The following CNTNAP5 variants were observed in gnomAD, a reference collection of about 807,000 sequenced individuals.
The protein encoded by CNTNAP5 is contactin associated protein family member 5, also known as contactin-associated protein-like 5.
In CNTNAP5, 72 loss-of-function variants were observed where a neutral mutation model predicts 150.2. The ratio of observed to expected loss-of-function variants is 0.48; its 90% CI spans 0.40 to 0.58. The LOEUF is 0.58. Among genes scored for constraint, CNTNAP5 ranks in the 20% least tolerant of loss-of-function variants. CNTNAP5 has a pLI of 0.00. For synonymous variants in CNTNAP5, 672 were observed against 619.8 expected (o/e 1.08, Z -1.25); for missense variants, 1,636 against 1,626.2 (o/e 1.01, Z -0.10).
At chr2:124,850,585 T>C (rs955694879) in intron 19 of CNTNAP5, among the ~76,000 whole-genome samples, 1 of 152,222 alleles carries the variant, frequency 6.6e-6, no homozygotes, top group Non-Finnish European at 1.5e-5. Flanking sequence ...ATTTCTATTA[T>C]TACAGTTGCC....
Position 124,665,881 on chromosome 2 carries a change from G to A in CNTNAP5, c.2077+17923G>A, listed in dbSNP as rs368838786. 9.7e-4 allele frequency among the ~76,000 whole-genome samples: 102 copies of A among 105,036 alleles called. 1 individual carries two copies. The highest frequency in any genetic ancestry group is 3.2e-3 in the African/African-American group (91 of 28,856). 68.9% of individuals were successfully genotyped at this position (105,036 alleles called of 152,430 possible). A position where few individuals can be genotyped will look rare whatever the true frequency, so the allele number is the denominator to read the frequency against. Reference sequence around the variant, plus strand: ...GGCCTGGGCGACAGAGCAAGACTCCGTCTCAAAAAAAAAAAAAATTATACA... The same window carrying A: ...GGCCTGGGCGACAGAGCAAGACTCCATCTCAAAAAAAAAAAAAATTATACA... On this transcript the variant is annotated intron_variant, in intron 13 of 23. Coordinates refer to ENST00000682447, the MANE Select transcript of CNTNAP5 (RefSeq NM_001367498.1).
At chr2:124,397,501 C>T (rs192328342) in intron 3 of CNTNAP5, among the ~76,000 whole-genome samples, 71 of 152,286 alleles carry the variant, frequency 4.7e-4, no homozygotes, top group Middle Eastern at 3.4e-3. Context: ...TCAAAATCCC[C>T]ACCTCCTAAT....
At chr2:124,216,364 T>A (rs990743439) in intron 1 of CNTNAP5, among the ~76,000 whole-genome samples, 2 of 152,178 alleles carry the variant, frequency 1.3e-5, no homozygotes, top group African/African-American at 4.8e-5. Flanking sequence ...ATCAGAGTTT[T>A]TTTTTAAGTT....
At chr2:124,124,457 G>A (rs149459146) in intron 1 of CNTNAP5, among the ~76,000 whole-genome samples, 4,207 of 152,250 alleles carry the variant, frequency 0.028, 69 homozygotes, top group Middle Eastern at 0.034. Context: ...TAAAAGAGAC[G>A]GGGAGAATGG....
intron 3 of CNTNAP5, among the ~76,000 whole-genome samples, chr2:124,311,136 T>TC (rs1409332147): frequency 6.6e-6 from 1 of 152,228 alleles, no homozygotes; most frequent in East Asian, 1.9e-4. Flanking sequence ...TTCATTTTTT[T>TC]CTTAGATTGT....
intron 17 of CNTNAP5, among the ~76,000 whole-genome samples, chr2:124,782,475 G>A (rs926004508): frequency 2.0e-5 from 3 of 152,198 alleles, no homozygotes; most frequent in African/African-American, 7.2e-5. Context: ...GAAAGATCTA[G>A]CTTGAACCCA....
chr2:124,474,947 C>T, intron 7 of CNTNAP5, 65 bp downstream of exon 7: 2 of 1,410,730 alleles, frequency 1.4e-6, no homozygotes, highest in South Asian at 2.6e-5. Flanking sequence ...TTGCTTTCAC[C>T]AGCCCATTCC....
intron 4 of CNTNAP5, among the ~76,000 whole-genome samples, chr2:124,429,027 T>C (rs1325350401): frequency 6.6e-6 from 1 of 152,204 alleles, no homozygotes; most frequent in Non-Finnish European, 1.5e-5. Flanking sequence ...AATAAAGATT[T>C]TGATTTCTAT....
chr2:124,760,490 G>A (rs1429846950), intron 14 of CNTNAP5, among the ~76,000 whole-genome samples: 1 of 151,972 alleles, frequency 6.6e-6, no homozygotes, highest in Non-Finnish European at 1.5e-5. Flanking sequence ...TCTAAATTTG[G>A]TGAAATACCA....
intron 4 of CNTNAP5, among the ~76,000 whole-genome samples, chr2:124,419,999 T>C (rs1281366600): frequency 2.9e-5 from 4 of 138,244 alleles, no homozygotes; most frequent in South Asian, 2.4e-4. Flanking sequence ...TTTTTTTTTT[T>C]TTTTTTTTTT....
intron 3 of CNTNAP5, among the ~76,000 whole-genome samples, chr2:124,292,760 T>C (rs1045031828): frequency 6.6e-6 from 1 of 152,072 alleles, no homozygotes; most frequent in Non-Finnish European, 1.5e-5. Context: ...ATTAAGAATA[T>C]CCTCCACTTA....
chr2:124,233,610 A>C (rs1215984796), intron 2 of CNTNAP5, among the ~76,000 whole-genome samples: 1 of 152,080 alleles, frequency 6.6e-6, no homozygotes, highest in Non-Finnish European at 1.5e-5. Flanking sequence ...GAGAATAATC[A>C]ACCATGTCTA....
intron 8 of CNTNAP5, among the ~76,000 whole-genome samples, chr2:124,517,177 GT>G (rs1694738210): frequency 2.0e-5 from 3 of 151,266 alleles, no homozygotes; most frequent in African/African-American, 7.3e-5. Context: ...GTGATGGAGT[GT>G]TGTGGTGTTG....
intron 1 of CNTNAP5, among the ~76,000 whole-genome samples, chr2:124,055,818 C>G (rs1189425668): frequency 6.6e-6 from 1 of 152,154 alleles, no homozygotes; most frequent in Non-Finnish European, 1.5e-5. Context: ...CCTAAGTCAT[C>G]AAGAAGACAG....
At chr2:124,592,388 T>C (rs1263220090) in intron 11 of CNTNAP5, among the ~76,000 whole-genome samples, 1 of 151,688 alleles carries the variant, frequency 6.6e-6, no homozygotes, top group African/African-American at 2.4e-5. Flanking sequence ...TGTGTGTGTG[T>C]GTGTGTATCA....
intron 7 of CNTNAP5, among the ~76,000 whole-genome samples, chr2:124,475,791 A>G (rs1693625617): frequency 6.6e-6 from 1 of 152,090 alleles, no homozygotes; most frequent in South Asian, 2.1e-4. Context: ...TTTTGAAGTA[A>G]GTTTCTTGTA....
chr2:124,098,390 A>AAGT (rs1682989651), intron 1 of CNTNAP5, among the ~76,000 whole-genome samples: 2 of 152,236 alleles, frequency 1.3e-5, no homozygotes, highest in South Asian at 4.1e-4. Context: ...ATCTGGGTAT[A>AAGT]AGTAGATCCA....
rs1692835746 is a variant in CNTNAP5, at chr2:124,446,954, T to C, written c.918+17T>C. ...GACTATGAGGTGAGTTGATCCTCCT[T>C]CCTGCACCTCCTCGGCCCCTTGCTT... On this transcript the variant is annotated intron_variant, in intron 6 of 23. Transcript: ENST00000682447. 1 of 1,606,278 alleles carries C rather than the reference T, an allele frequency of 6.2e-7. No homozygotes were observed. The highest frequency in any genetic ancestry group is 1.3e-5 in the African/African-American group (1 of 74,782).
intron 10 of CNTNAP5, among the ~76,000 whole-genome samples, chr2:124,558,012 T>C (rs1190715306): frequency 6.6e-6 from 1 of 152,164 alleles, no homozygotes; most frequent in Non-Finnish European, 1.5e-5. Flanking sequence ...AAGATCATTT[T>C]AAGGATGTTG....
Sources: allele counts gnomAD v4.1 joint callset (sites outside exome capture counted in the v4.1 genomes callset), GRCh38; gene constraint gnomAD v4.1.1; transcripts MANE v1.5; gene names NCBI Gene and HGNC (gene_info 2026-07-23, HGNC 2026-07-21).